SORD: variants seen among roughly 807,000 people sequenced by gnomAD.
SORD encodes sorbitol dehydrogenase, also known as (R,R)-butanediol dehydrogenase.
SORD carries 18 observed loss-of-function variants against 35.6 expected under a neutral mutation model. The observed-to-expected ratio is 0.51, with a 90% CI of 0.35 to 0.75. The LOEUF (loss-of-function observed/expected upper bound fraction) is 0.75, where lower values mean the gene tolerates loss of function less well. Among genes scored for constraint, SORD ranks in the 30% least tolerant of loss-of-function variants. The probability of loss-of-function intolerance (pLI) is 0.01; values close to 1 mark genes in which losing one functional copy is unlikely to be tolerated. For missense variants in SORD, 250 were observed against 390.2 expected (o/e 0.64, Z 3.03); for synonymous variants, 106 against 152.9 (o/e 0.69, Z 2.26).
chr15:45,028,470 GC>G (rs1488374826), intron 1 of SORD, among the ~76,000 whole-genome samples: 1 of 152,004 alleles, frequency 6.6e-6, no homozygotes, highest in African/African-American at 2.4e-5. Context: ...CTTCCTTCAG[GC>G]AGGAGCATCT....
At chr15:45,045,893 C>T (rs1447229396) in intron 3 of SORD, among the ~76,000 whole-genome samples, 2 of 151,920 alleles carry the variant, frequency 1.3e-5, no homozygotes, top group African/African-American at 2.4e-5. Flanking sequence ...TCCAGCTACT[C>T]AGGAGGCTGA....
intron 4 of SORD, among the ~76,000 whole-genome samples, chr15:45,064,792 T>A (rs1260264557): frequency 6.6e-6 from 1 of 151,860 alleles, no homozygotes; most frequent in Admixed American, 6.6e-5. Context: ...GTGGCCATGT[T>A]AACTCCTTGT....
chr15:45,071,073 GT>G (rs1893505199), intron 7 of SORD, among the ~76,000 whole-genome samples: 1 of 152,228 alleles, frequency 6.6e-6, no homozygotes, highest in Non-Finnish European at 1.5e-5. Context: ...ATCCTGCCAG[GT>G]TATGACTGGA....
At chr15:45,064,912 C>A (rs1408435532) in intron 4 of SORD, among the ~76,000 whole-genome samples, 2 of 152,108 alleles carry the variant, frequency 1.3e-5, no homozygotes, top group African/African-American at 4.8e-5. Flanking sequence ...CAAAGAAAAC[C>A]ATGTTGCCTT....
At chr15:45,065,223 G>A (rs773792676) in intron 4 of SORD, 48 bp from the exon 5 acceptor site, 2 of 1,360,988 alleles carry the variant, frequency 1.5e-6, no homozygotes, top group South Asian at 1.2e-5. Flanking sequence ...ACTATTGTTA[G>A]CATTGTAGTT....
intron 6 of SORD, 22 bp downstream of exon 6, chr15:45,068,268 A>G (rs199741608): frequency 5.5e-5 from 87 of 1,583,706 alleles, no homozygotes; most frequent in African/African-American, 2.4e-4. Flanking sequence ...TTCTTTATCA[A>G]TCTCCTTGAC....
intron 3 of SORD, among the ~76,000 whole-genome samples, chr15:45,060,661 A>G (rs552569516): frequency 3.3e-5 from 5 of 152,338 alleles, no homozygotes; most frequent in Admixed American, 3.3e-4. Flanking sequence ...CGCAAACTCC[A>G]TGTATTAGCT....
At chr15:45,058,971 A>G (rs1893259736) in intron 3 of SORD, among the ~76,000 whole-genome samples, 2 of 152,100 alleles carry the variant, frequency 1.3e-5, no homozygotes, top group African/African-American at 4.8e-5. Context: ...GCAAGTTCTC[A>G]TGGAGCCCAC....
rs1199635092 is a variant in SORD at position 45,072,575 on chromosome 15, T to C, written c.908+137T>C. On this transcript the variant is annotated intron_variant, in intron 8 of 8. Coordinates refer to ENST00000267814, the MANE Select transcript of SORD (RefSeq NM_003104.6). Reference sequence around the variant, plus strand: ...CCTGGCCACACTGATAGCTGTGTGATATAACAGGGATCCAAAGAGAGAACA... The same window carrying C: ...CCTGGCCACACTGATAGCTGTGTGACATAACAGGGATCCAAAGAGAGAACA... The C allele has an allele frequency of 1.9e-5, 10 of 540,498 alleles. 1 individual carries two copies. Among genetic ancestry groups the C allele is most frequent in the South Asian group, 9.7e-5 (4 of 41,188 alleles). 33.5% of individuals were successfully genotyped at this position (540,498 alleles called of 1,614,324 possible).
At chr15:45,065,972 G>T (rs1449756352) in intron 5 of SORD, among the ~76,000 whole-genome samples, 4 of 151,926 alleles carry the variant, frequency 2.6e-5, no homozygotes, top group Non-Finnish European at 4.4e-5. Context: ...ATGAATCTGG[G>T]CCAGGCGGGG....
At chr15:45,044,805 C>T (rs1176120594) in intron 3 of SORD, among the ~76,000 whole-genome samples, 2 of 151,618 alleles carry the variant, frequency 1.3e-5, no homozygotes, top group African/African-American at 4.8e-5. Context: ...TCAAGTGATT[C>T]CCGTGCCTCA....
In SORD at chr15:45,023,279, G is replaced by A. The variant is rs1218503838; in HGVS notation, c.-5G>A. On this transcript the variant is annotated 5_prime_UTR_variant, in exon 1 of 9. Coordinates refer to ENST00000267814, the MANE Select transcript of SORD (RefSeq NM_003104.6). ...CAGGCCGCACTCCAGAGCCAAAAGA[G>A]CTCCATGGCGGCGGCGGCCAAGCCC... The A allele has an allele frequency of 1.9e-6, 3 of 1,580,876 alleles. No individual in the cohort carries two copies. The highest frequency in any genetic ancestry group is 1.4e-5 in the African/African-American group (1 of 73,742).
intron 5 of SORD, among the ~76,000 whole-genome samples, chr15:45,065,628 A>C (rs1893391869): frequency 6.6e-6 from 1 of 152,212 alleles, no homozygotes. Flanking sequence ...GTTCATTTAA[A>C]GAATGAATTG....
intron 3 of SORD, among the ~76,000 whole-genome samples, chr15:45,046,439 C>T (rs1893046354): frequency 6.6e-6 from 1 of 152,128 alleles, no homozygotes; most frequent in South Asian, 2.1e-4. Context: ...GAATGGGTTT[C>T]ACTATGTTTG....
Position 45,023,204 on chromosome 15 carries a change from G to C in SORD, c.-80G>C. The C allele has an allele frequency of 7.8e-7, 1 of 1,276,622 alleles. No individual in the cohort carries two copies. The highest frequency in any genetic ancestry group is 1.1e-6 in the Non-Finnish European group (1 of 945,046). The allele number at this position is 1,276,622 out of a possible 1,614,324, so 79.1% of individuals were successfully genotyped here. A position where few individuals can be genotyped will look rare whatever the true frequency, so the allele number is the denominator to read the frequency against. ...GCCCCACCTTCCATCCAGTGCCCTG[G>C]ACCCTCGGCTGGGTAGCGCCACCAG... is the stretch of plus-strand genomic sequence containing the variant. On this transcript the variant is annotated 5_prime_UTR_variant, in exon 1 of 9. Transcript: ENST00000267814.
chr15:45,066,262 A>AG (rs1893403091), intron 5 of SORD, among the ~76,000 whole-genome samples: 1 of 151,262 alleles, frequency 6.6e-6, no homozygotes, highest in African/African-American at 2.4e-5. Flanking sequence ...AAAAAAAAAA[A>AG]AGGAATTAAT....
chr15:45,061,131 A>G lies in SORD; in HGVS notation c.330A>G (p.Arg110=), dbSNP rs774951882. ...RENDEFCKMG[R]YNLSPSIFFC... The stretch of plus-strand genomic sequence containing the variant: ...ATGATGAATTCTGCAAGATGGGCCG[A>G]TACAATCTGTCACCTTCCATCTTCT... Residue 110 remains arginine (R), a synonymous_variant, in exon 4 of 9, where the codon CGA becomes CGG. Transcript: ENST00000267814. The G allele has an allele frequency of 2.5e-6, 4 of 1,613,968 alleles. No individual in the cohort carries two copies. In the Admixed American group the frequency reaches 6.7e-5, roughly 27 times the overall value.
chr15:45,025,733 A>G (rs1892658258), intron 1 of SORD, among the ~76,000 whole-genome samples: 1 of 152,022 alleles, frequency 6.6e-6, no homozygotes, highest in African/African-American at 2.4e-5. Context: ...AGGGGTGGAA[A>G]TGTAAACTCA....
At position 45,023,335 on chromosome 15, in the gene SORD, G is replaced by C; in HGVS notation, c.52G>C (p.Gly18Arg). Reference sequence around the variant, plus strand: ...CCTTTCCCTGGTGGTGCACGGACCGGGGGACTTGCGCCTGGTAAGCTGGGA... The same window carrying C: ...CCTTTCCCTGGTGGTGCACGGACCGCGGGACTTGCGCCTGGTAAGCTGGGA... Reference protein sequence around the residue: ...NNLSLVVHGPGDLRLENYPIP... With the variant: ...NNLSLVVHGPRDLRLENYPIP... The change falls in exon 1 of 9, where the codon GGG becomes CGG. Residue 18 changes from glycine (G) to arginine (R), a missense_variant. Around this residue, in one of 8 missense-constraint regions of SORD, gnomAD observed 43 missense variants for 30.6 expected, o/e 1.40. Coordinates refer to ENST00000267814, the MANE Select transcript of SORD (RefSeq NM_003104.6). 1 of 1,586,020 alleles carries C rather than the reference G, an allele frequency of 6.3e-7. No homozygotes were observed. Among genetic ancestry groups the C allele is most frequent in the Non-Finnish European group, 8.6e-7 (1 of 1,167,396 alleles).
Sources: allele counts gnomAD v4.1 joint callset (sites outside exome capture counted in the v4.1 genomes callset), GRCh38; gene constraint gnomAD v4.1.1; regional missense constraint gnomAD v4.1.1; transcripts MANE v1.5; gene names NCBI Gene and HGNC (gene_info 2026-07-23, HGNC 2026-07-21).